The following AP2S1 variants were observed in gnomAD, a reference collection of about 807,000 sequenced individuals.
AP2S1 encodes adaptor related protein complex 2 subunit sigma 1, also known as AP-2 complex subunit sigma.
Under a neutral mutation model 21.0 loss-of-function variants are expected in AP2S1, and 6 were observed. The ratio of observed to expected loss-of-function variants is 0.29; its 90% confidence interval spans 0.16 to 0.56. The LOEUF is 0.56. Among genes scored for constraint, AP2S1 ranks in the 20% least tolerant of loss-of-function variants. The pLI, the probability that AP2S1 is intolerant of heterozygous loss-of-function variation, is 0.92. For missense variants in AP2S1, 60 were observed against 186.2 expected, an observed-to-expected ratio of 0.32 and a Z score of 3.95; for synonymous variants, 63 against 74.6, an observed-to-expected ratio of 0.84 and a Z score of 0.80.
chr19:46,844,022 T>C (rs1318201496), intron 2 of AP2S1, among the ~76,000 whole-genome samples: 1 of 152,086 alleles, frequency 6.6e-6, no homozygotes, highest in Non-Finnish European at 1.5e-5. Flanking sequence ...GCGATTCTCC[T>C]GCTTCAGCCT....
intron 1 of AP2S1, chr19:46,850,422 C>A: frequency 1.0e-6 from 1 of 998,998 alleles, no homozygotes; most frequent in Non-Finnish European, 1.3e-6. Flanking sequence ...ACGCCCTCTC[C>A]CCACCTCCAA....
In AP2S1 at chr19:46,838,732, G is replaced by A. The variant is rs367711427; in HGVS notation, c.327+8C>T. 148 of 1,612,762 alleles carry A rather than the reference G, an allele frequency of 9.2e-5. No homozygotes were observed. Among genetic ancestry groups the A allele is most frequent in the Non-Finnish European group, 1.2e-4 (138 of 1,179,030 alleles). On this transcript the variant is annotated splice_region_variant and intron_variant, in intron 4 of 4. Transcript: ENST00000263270. The surrounding 1 kb of genome is among the most constrained non-coding windows in gnomAD (Gnocchi z 4.1). ...GCTCCTTCAGCCTCCTCTTCACCAG[G>A]AGCCTACCTTGTAGAAGTTGAACAC...
At chr19:46,848,932 C>T (rs1346924733) in intron 1 of AP2S1, among the ~76,000 whole-genome samples, 4 of 151,120 alleles carry the variant, frequency 2.6e-5, no homozygotes, top group Admixed American at 1.3e-4. Flanking sequence ...AGGCTGGTCT[C>T]GAACTCCTGA....
At chr19:46,847,797 G>A (rs897705469) in intron 1 of AP2S1, among the ~76,000 whole-genome samples, 2 of 152,142 alleles carry the variant, frequency 1.3e-5, no homozygotes, top group African/African-American at 4.8e-5. Context: ...CCGTGGCTGA[G>A]TGATCCTCTG....
At chr19:46,839,349 G>T in intron 3 of AP2S1, 116 bp downstream of exon 3, 6 of 847,296 alleles carry the variant, frequency 7.1e-6, no homozygotes, top group South Asian at 1.5e-5. Flanking sequence ...GAGAGGGAGA[G>T]TCCCAGTCAC....
rs1443163675 is a variant in AP2S1 at position 46,838,448 on chromosome 19, C to T, written c.428G>A (p.Ter143=). Residue 143 remains the stop codon, a stop_retained_variant, in exon 5 of 5, where the codon TGA becomes TAA. Coordinates refer to ENST00000263270, the MANE Select transcript of AP2S1 (RefSeq NM_004069.6). The surrounding 1 kb of genome is among the most constrained non-coding windows in gnomAD (Gnocchi z 4.1). ...KQLLMLQSLE[*] is the part of the protein sequence containing the mutation. ...GGCCGGGGTGGGGCTCGCCTGCCCT[C>T]ACTCCAGGGACTGTAGCATCAGCAG... is the stretch of plus-strand genomic sequence containing the variant. The T allele has an allele frequency of 3.7e-6, 6 of 1,614,140 alleles. No homozygotes were observed. The highest frequency in any genetic ancestry group is 1.7e-5 in the Admixed American group (1 of 60,024).
At chr19:46,841,140 G>T (rs1481162972) in intron 2 of AP2S1, among the ~76,000 whole-genome samples, 1 of 152,024 alleles carries the variant, frequency 6.6e-6, no homozygotes, top group Admixed American at 6.6e-5. Flanking sequence ...TTTTAGTAGA[G>T]ATGAGGTTTT....
At chr19:46,843,919 CT>C (rs567490241) in intron 2 of AP2S1, among the ~76,000 whole-genome samples, 161 of 147,896 alleles carry the variant, frequency 1.1e-3, no homozygotes, top group South Asian at 9.3e-3. Context: ...AACAACCTTT[CT>C]TTTTTTTTTG....
chr19:46,849,296 G>A (rs1231057171), intron 1 of AP2S1, among the ~76,000 whole-genome samples: 1 of 150,610 alleles, frequency 6.6e-6, no homozygotes, highest in Non-Finnish European at 1.5e-5. Flanking sequence ...ATGAGTCACC[G>A]CCCCAGCCTG....
At chr19:46,840,227 G>C (rs1442190252) in intron 2 of AP2S1, among the ~76,000 whole-genome samples, 2 of 151,844 alleles carry the variant, frequency 1.3e-5, no homozygotes, top group Non-Finnish European at 2.9e-5. Flanking sequence ...CCAGGATCAG[G>C]GACATGGATT....
chr19:46,845,583 TTCTC>T (rs746213417), intron 2 of AP2S1: 2 of 161,256 alleles, frequency 1.2e-5, no homozygotes, highest in African/African-American at 4.8e-5. Flanking sequence ...ACCTGGCCTA[TTCTC>T]TCTACTTTTC....
At position 46,838,619 on chromosome 19, in the gene AP2S1, C is replaced by T. The variant is rs1234063564; in HGVS notation, c.328-71G>A. ...CTGGCCCGGACCCTGGAAGCTGGGG[C>T]TCTGATGCCCCTCGAGCTGGGACAC... On this transcript the variant is annotated intron_variant, in intron 4 of 4. Transcript: ENST00000263270. The surrounding 1 kb of genome is among the most constrained non-coding windows in gnomAD (Gnocchi z 4.1). 3.2e-6 allele frequency: 5 copies of T among 1,580,362 alleles called. No homozygotes were observed. The highest frequency in any genetic ancestry group is 1.3e-5 in the African/African-American group (1 of 74,094).
intron 2 of AP2S1, among the ~76,000 whole-genome samples, chr19:46,845,279 G>C (rs1470411373): frequency 6.6e-6 from 1 of 151,364 alleles, no homozygotes; most frequent in Non-Finnish European, 1.5e-5. Context: ...TGTGGTGCAC[G>C]CCTGTAATCC....
intron 1 of AP2S1, 194 bp downstream of exon 1, chr19:46,850,570 C>G: frequency 1.6e-6 from 1 of 634,734 alleles, no homozygotes; most frequent in Admixed American, 3.5e-5. Flanking sequence ...CGCGAGACCC[C>G]TGGTAACCCC....
chr19:46,844,443 T>A (rs528392270), intron 2 of AP2S1, among the ~76,000 whole-genome samples: 1 of 152,172 alleles, frequency 6.6e-6, no homozygotes, highest in African/African-American at 2.4e-5. Flanking sequence ...CCCCGTCAAG[T>A]CCTTCAGGTC....
Position 46,844,277 on chromosome 19 carries a change from A to C in AP2S1, c.153+1716T>G, listed in dbSNP as rs183367550. Among the ~76,000 whole-genome samples, 86 of 152,200 alleles carry C rather than the reference A, an allele frequency of 5.7e-4. 1 individual carries two copies. Among genetic ancestry groups the C allele is most frequent in the African/African-American group, 1.8e-3 (75 of 41,554 alleles). ...AAGTCTTCCCTGCAGCCCTGCACCAAGAGATTACCCTGTTATCTTCTCTCT... is the reference window on the plus strand; with the variant it reads ...AAGTCTTCCCTGCAGCCCTGCACCACGAGATTACCCTGTTATCTTCTCTCT... On this transcript the variant is annotated intron_variant, in intron 2 of 4. Coordinates refer to ENST00000263270, the MANE Select transcript of AP2S1 (RefSeq NM_004069.6).
At chr19:46,842,870 TG>T (rs1482447692) in intron 2 of AP2S1, among the ~76,000 whole-genome samples, 2 of 152,168 alleles carry the variant, frequency 1.3e-5, no homozygotes, top group African/African-American at 4.8e-5. Context: ...CGTGGCCCTC[TG>T]GTGCTCTCCT....
rs1016353304 is a variant in AP2S1 at position 46,838,194 on chromosome 19, G to T, written c.*253C>A. 3.8e-6 allele frequency: 2 copies of T among 522,674 alleles called. No homozygotes were observed. The highest frequency in any genetic ancestry group is 6.4e-5 in the Admixed American group (2 of 31,254). 32.4% of individuals were successfully genotyped at this position (522,674 alleles called of 1,614,324 possible). A position where few individuals can be genotyped will look rare whatever the true frequency, so the allele number is the denominator to read the frequency against. ...CAGGCAGGACCACAGGTTTATTGGG[G>T]ACTCCACGCACAGACGCTTATGGCA... is the stretch of plus-strand genomic sequence containing the variant. On this transcript the variant is annotated 3_prime_UTR_variant, in exon 5 of 5. Coordinates refer to ENST00000263270, the MANE Select transcript of AP2S1 (RefSeq NM_004069.6). This position sits in a 1 kb window ranked among gnomAD's most constrained non-coding sequence, Gnocchi z 4.1.
chr19:46,839,314 A>G (rs867958937), intron 3 of AP2S1, 151 bp downstream of exon 3: 9 of 711,872 alleles, frequency 1.3e-5, no homozygotes, highest in Middle Eastern at 4.3e-4. Context: ...AAAAAAAAAA[A>G]AAAGAAAAAG....
Sources: allele counts gnomAD v4.1 joint callset (sites outside exome capture counted in the v4.1 genomes callset), GRCh38; gene constraint gnomAD v4.1.1; non-coding constraint Gnocchi (gnomAD v3.1); transcripts MANE v1.5; gene names NCBI Gene and HGNC (gene_info 2026-07-23, HGNC 2026-07-21).